The following STK33 variants were observed in gnomAD, a reference collection of about 807,000 sequenced individuals.
The protein encoded by STK33 is serine/threonine-protein kinase 33.
A neutral mutation model predicts 58.0 loss-of-function variants in STK33; 52 were observed. That is an observed-to-expected ratio of 0.90 (90% CI 0.72 to 1.13). The LOEUF (loss-of-function observed/expected upper bound fraction) is 1.13. Among genes scored for constraint, STK33 ranks in the 50% most tolerant of loss-of-function variants. The pLI is 0.00. For synonymous variants in STK33, 215 were observed against 200.1 expected, an observed-to-expected ratio of 1.07 and a Z score of -0.63; for missense variants, 630 against 604.2, an observed-to-expected ratio of 1.04 and a Z score of -0.45.
intron 7 of STK33, among the ~76,000 whole-genome samples, chr11:8,462,661 T>C (rs1328025188): frequency 2.0e-5 from 3 of 151,856 alleles, no homozygotes; most frequent in Non-Finnish European, 2.9e-5. Context: ...CTTCAGATGT[T>C]AGATGTCTCC....
intron 1 of STK33, among the ~76,000 whole-genome samples, chr11:8,500,243 T>C (rs1287402804): frequency 6.6e-6 from 1 of 151,986 alleles, no homozygotes; most frequent in Admixed American, 6.6e-5. Context: ...ATCCAGATTA[T>C]GATGGCAGAA....
At chr11:8,449,856 C>T (rs563257434) in intron 11 of STK33, among the ~76,000 whole-genome samples, 10 of 152,214 alleles carry the variant, frequency 6.6e-5, no homozygotes, top group Middle Eastern at 3.4e-3. Context: ...AATGAGATAC[C>T]ATTTCACGTC....
chr11:8,486,861 T>G (rs926832065), intron 1 of STK33, among the ~76,000 whole-genome samples: 2 of 152,174 alleles, frequency 1.3e-5, no homozygotes, highest in Non-Finnish European at 2.9e-5. Context: ...GTATTTAAGA[T>G]GTATAGTGAT....
At chr11:8,367,622 C>G in the STK33 span, among the ~76,000 whole-genome samples, 2 of 152,188 alleles carry the variant, frequency 1.3e-5, no homozygotes, top group African/African-American at 4.8e-5. Context: ...AGATGCTTTT[C>G]AAACACAATG....
intron 11 of STK33, among the ~76,000 whole-genome samples, chr11:8,442,107 C>G (rs1265505446): frequency 2.6e-5 from 4 of 151,698 alleles, no homozygotes; most frequent in African/African-American, 9.7e-5. Flanking sequence ...TTCATTTCCT[C>G]CTTTTTCCTC....
intron 1 of STK33, among the ~76,000 whole-genome samples, chr11:8,554,655 A>G (rs10769914): frequency 0.54 from 81,630 of 151,950 alleles, 22,099 homozygotes; most frequent in South Asian, 0.64. Context: ...CACTGTTAGT[A>G]GGGATGTAAA....
chr11:8,366,444 G>A, the STK33 span, among the ~76,000 whole-genome samples: 4 of 152,216 alleles, frequency 2.6e-5, no homozygotes, highest in Admixed American at 6.5e-5. Context: ...GGACAAGAGC[G>A]ACTTCTACAG....
chr11:8,525,104 A>G (rs1953912929), intron 1 of STK33, among the ~76,000 whole-genome samples: 1 of 152,206 alleles, frequency 6.6e-6, no homozygotes, highest in Admixed American at 6.5e-5. Flanking sequence ...GAATAATATA[A>G]AAGAATATGT....
At chr11:8,549,151 T>C (rs1447448535) in intron 1 of STK33, among the ~76,000 whole-genome samples, 1 of 152,232 alleles carries the variant, frequency 6.6e-6, no homozygotes, top group African/African-American at 2.4e-5. Flanking sequence ...TCTCCTTCTA[T>C]ACTCAGTTTG....
chr11:8,356,290 G>A, the STK33 span, among the ~76,000 whole-genome samples: 5 of 152,308 alleles, frequency 3.3e-5, no homozygotes, highest in South Asian at 1.0e-3. Context: ...TGAGCCTGGA[G>A]CTCTTCCTGC....
At chr11:8,415,171 T>C (rs1940937232) in intron 14 of STK33, among the ~76,000 whole-genome samples, 1 of 152,030 alleles carries the variant, frequency 6.6e-6, no homozygotes, top group Non-Finnish European at 1.5e-5. Context: ...TACATACAAC[T>C]TTGCCTCAAC....
At chr11:8,457,901 G>T (rs1947069520) in intron 8 of STK33, among the ~76,000 whole-genome samples, 1 of 152,184 alleles carries the variant, frequency 6.6e-6, no homozygotes, top group Non-Finnish European at 1.5e-5. Context: ...AGCACTGTCT[G>T]TTAAAAGAAT....
At chr11:8,356,605 C>G in the STK33 span, among the ~76,000 whole-genome samples, 1 of 152,118 alleles carries the variant, frequency 6.6e-6, no homozygotes, top group Non-Finnish European at 1.5e-5. Flanking sequence ...CAGGAAGAAG[C>G]AGTTCCTATA....
chr11:8,533,651 G>A (rs1954726838), intron 1 of STK33, among the ~76,000 whole-genome samples: 2 of 151,876 alleles, frequency 1.3e-5, no homozygotes, highest in African/African-American at 4.8e-5. Context: ...GGGAGGGAAG[G>A]CAGAAGTTCA....
intron 6 of STK33, 56 bp downstream of exon 6, chr11:8,473,107 C>A: frequency 9.6e-7 from 1 of 1,043,962 alleles, no homozygotes; most frequent in Non-Finnish European, 1.4e-6. Flanking sequence ...TCCTATTAAC[C>A]ATTGACTTAG....
chr11:8,568,055 T>C (rs1957563271), intron 1 of STK33, among the ~76,000 whole-genome samples: 1 of 152,170 alleles, frequency 6.6e-6, no homozygotes, highest in Non-Finnish European at 1.5e-5. Flanking sequence ...GGAATGTGCA[T>C]AAAATTGAAA....
At chr11:8,375,301 A>C in the STK33 span, among the ~76,000 whole-genome samples, 1 of 152,234 alleles carries the variant, frequency 6.6e-6, no homozygotes, top group Non-Finnish European at 1.5e-5. Context: ...AACAACTAGC[A>C]TTTAAGGCAG....
intron 1 of STK33, among the ~76,000 whole-genome samples, chr11:8,508,779 T>A (rs888026842): frequency 6.6e-6 from 1 of 150,880 alleles, no homozygotes; most frequent in Non-Finnish European, 1.5e-5. Context: ...TCTCCCTAAA[T>A]AGGAGCTTGA....
the STK33 span, among the ~76,000 whole-genome samples, chr11:8,354,114 T>C: frequency 6.6e-6 from 1 of 152,152 alleles, no homozygotes; most frequent in African/African-American, 2.4e-5. Context: ...CTTTGCAAAC[T>C]GCAAGGTGAG....
Sources: gnomAD v4.1 joint callset for allele counts (sites outside exome capture counted in the v4.1 genomes callset) on GRCh38, gnomAD v4.1.1 for gene constraint, MANE v1.5 for transcripts, NCBI Gene and HGNC (gene_info 2026-07-23, HGNC 2026-07-21) for gene names.